Variants in ARID2 observed in about 807,000 individuals in gnomAD.
ARID2 encodes the protein AT-rich interactive domain-containing protein 2.
In ARID2, 32 loss-of-function variants were observed where a neutral mutation model predicts 184.6. The ratio of observed to expected loss-of-function variants is 0.17; its 90% CI spans 0.13 to 0.23. The LOEUF is 0.23. ARID2 is among the 10% of genes least tolerant of loss of function. The probability of loss-of-function intolerance (pLI) is 1.00; values close to 1 mark genes in which losing one functional copy is unlikely to be tolerated. For missense variants in ARID2, 1,696 were observed against 2,197.6 expected (o/e 0.77, Z 4.56); for synonymous variants, 836 against 772.6 (o/e 1.08, Z -1.36).
chr12:45,857,352 G>A (rs1803894199), intron 15 of ARID2, among the ~76,000 whole-genome samples: 1 of 152,080 alleles, frequency 6.6e-6, no homozygotes, highest in Non-Finnish European at 1.5e-5. Context: ...TTTAGTTGTA[G>A]CCATAAAAGA....
chr12:45,864,882 C>A (rs1469568036), intron 16 of ARID2, among the ~76,000 whole-genome samples: 1 of 152,122 alleles, frequency 6.6e-6, no homozygotes, highest in Non-Finnish European at 1.5e-5. Context: ...TTGGATATTT[C>A]CCTTATTTAC....
intron 11 of ARID2, among the ~76,000 whole-genome samples, chr12:45,844,549 C>T (rs1464239258): frequency 6.6e-6 from 1 of 152,138 alleles, no homozygotes; most frequent in Admixed American, 6.6e-5. Context: ...TGACAGGAAG[C>T]TATACCAATA....
At position 45,852,711 on chromosome 12, in the gene ARID2, A is replaced by G; in HGVS notation, c.4588A>G (p.Ile1530Val). Residue 1530 changes from isoleucine to valine, a missense_variant, in exon 15 of 21, where the codon ATT becomes GTT. Coordinates refer to ENST00000334344, the MANE Select transcript of ARID2 (RefSeq NM_152641.4). ...EDTDRETVAG[I>V]PNKVGVRIVT... ...TACTGATAGGGAAACAGTCGCAGGAATTCCAAATAAAGTAGGAGTTAGAAT... is the reference window on the plus strand; with the variant it reads ...TACTGATAGGGAAACAGTCGCAGGAGTTCCAAATAAAGTAGGAGTTAGAAT... 1 of 1,614,190 alleles carries G rather than the reference A, an allele frequency of 6.2e-7. No homozygotes were observed.
chr12:45,738,084 T>G (rs749096296), intron 3 of ARID2, among the ~76,000 whole-genome samples: 5 of 152,130 alleles, frequency 3.3e-5, no homozygotes, highest in Non-Finnish European at 7.4e-5. Flanking sequence ...TATGTATGGT[T>G]TTTTTTTCTC....
chr12:45,750,989 GAAT>G (rs1941453881), intron 3 of ARID2, among the ~76,000 whole-genome samples: 1 of 152,098 alleles, frequency 6.6e-6, no homozygotes, highest in Non-Finnish European at 1.5e-5. Context: ...TTAATTTAAT[GAAT>G]AATAATTGAT....
chr12:45,858,015 C>A (rs1943680446), intron 15 of ARID2, among the ~76,000 whole-genome samples: 1 of 152,248 alleles, frequency 6.6e-6, no homozygotes, highest in African/African-American at 2.4e-5. Flanking sequence ...CTGCCTTGGC[C>A]TCCCAAAGTG....
At chr12:45,863,905 A>G (rs1424411929) in intron 16 of ARID2, among the ~76,000 whole-genome samples, 2 of 138,864 alleles carry the variant, frequency 1.4e-5, no homozygotes, top group Non-Finnish European at 3.0e-5. Flanking sequence ...GCTTCTATGC[A>G]GTGGTGCTAT....
chr12:45,854,181 T>C (rs1337052736), intron 15 of ARID2, among the ~76,000 whole-genome samples: 1 of 152,210 alleles, frequency 6.6e-6, no homozygotes, highest in African/African-American at 2.4e-5. Context: ...ATTCCCCAGA[T>C]GGGACTGTCA....
chr12:45,900,904 T>C (rs564827844), intron 20 of ARID2, among the ~76,000 whole-genome samples: 1 of 152,224 alleles, frequency 6.6e-6, no homozygotes, highest in Non-Finnish European at 1.5e-5. Context: ...ATGTGATCTG[T>C]TTTCCCCCCT....
At chr12:45,897,600 C>T (rs1944386277) in intron 20 of ARID2, among the ~76,000 whole-genome samples, 1 of 152,164 alleles carries the variant, frequency 6.6e-6, no homozygotes, top group Non-Finnish European at 1.5e-5. Context: ...AGCAGTCCCA[C>T]TTCTGAGTAT....
At chr12:45,744,748 GA>G in intron 3 of ARID2, among the ~76,000 whole-genome samples, 1 of 152,212 alleles carries the variant, frequency 6.6e-6, no homozygotes, top group Middle Eastern at 3.4e-3. Flanking sequence ...CCCTAAAGAA[GA>G]AAAGCAAATT....
chr12:45,839,263 T>A (rs2138136065), intron 10 of ARID2, 66 bp from the exon 11 acceptor site: 1 of 1,396,474 alleles, frequency 7.2e-7, no homozygotes, highest in South Asian at 1.4e-5. Flanking sequence ...ACAACATGTG[T>A]TCACCAGTGA....
At chr12:45,818,027 TAATG>T (rs1942837789) in intron 5 of ARID2, 139 bp downstream of exon 5, 4 of 617,004 alleles carry the variant, frequency 6.5e-6, no homozygotes, top group East Asian at 3.0e-5. Flanking sequence ...TTATTTAAGA[TAATG>T]AATGTTTGGG....
intron 20 of ARID2, among the ~76,000 whole-genome samples, chr12:45,899,265 T>G: frequency 1.0e-5 from 1 of 95,744 alleles, no homozygotes; most frequent in Admixed American, 1.3e-4. Flanking sequence ...AGCAAGACTC[T>G]GTCTCAAAAA....
At position 45,751,834 on chromosome 12, in the gene ARID2, T is replaced by C. The variant is rs1054408403; in HGVS notation, c.284+20520T>C. Among the ~76,000 whole-genome samples, 6 of 152,192 alleles carry C rather than the reference T, an allele frequency of 3.9e-5. No individual in the cohort carries two copies. In the East Asian group the frequency reaches 1.2e-3, roughly 29 times the overall value. ...ACATATAAAAGGTACAGTAAAAATA[T>C]GATATTATAATCTTATGGGAGCACC... On this transcript the variant is annotated intron_variant, in intron 3 of 20. Coordinates refer to ENST00000334344, the MANE Select transcript of ARID2 (RefSeq NM_152641.4).
Position 45,775,646 on chromosome 12 carries a change from T to C in ARID2, c.285-35772T>C, listed in dbSNP as rs1592068819. On this transcript the variant is annotated intron_variant, in intron 3 of 20. Coordinates refer to ENST00000334344, the MANE Select transcript of ARID2 (RefSeq NM_152641.4). ...TTAAGGCAGGAGAAACATTAACTCA[T>C]TAGCTCAGCCAATGTCATATGAGCT... 2.0e-5 allele frequency among the ~76,000 whole-genome samples: 3 copies of C among 152,350 alleles called. No individual in the cohort carries two copies. In the South Asian group the frequency reaches 6.2e-4, roughly 32 times the overall value.
chr12:45,871,355 C>T (rs1182141711), intron 16 of ARID2, among the ~76,000 whole-genome samples: 3 of 152,064 alleles, frequency 2.0e-5, no homozygotes, highest in African/African-American at 7.2e-5. Context: ...TGCTTTTCTG[C>T]GTCTATTGCT....
chr12:45,774,920 C>T (rs1026019337), intron 3 of ARID2, among the ~76,000 whole-genome samples: 2 of 152,114 alleles, frequency 1.3e-5, no homozygotes, highest in African/African-American at 4.8e-5. Context: ...AGTTTTGCTT[C>T]ACAGAGAACA....
At chr12:45,852,949 C>A (rs1943584334) in intron 15 of ARID2, 53 bp downstream of exon 15, 3 of 1,474,268 alleles carry the variant, frequency 2.0e-6, no homozygotes, top group Admixed American at 2.5e-5. Context: ...TCTGTAAATA[C>A]AATTTTAGAG....
Sources: allele counts gnomAD v4.1 joint callset (sites outside exome capture counted in the v4.1 genomes callset), GRCh38; gene constraint gnomAD v4.1.1; transcripts MANE v1.5; gene names NCBI Gene and HGNC (gene_info 2026-07-23, HGNC 2026-07-21).